ADAMTSL3: variants seen among roughly 807,000 people sequenced by gnomAD.
ADAMTSL3 encodes the protein ADAMTS like 3.
A neutral mutation model predicts 201.7 loss-of-function variants in ADAMTSL3; 128 were observed. That is an observed-to-expected ratio of 0.63 (90% CI 0.55 to 0.73). ADAMTSL3 has a LOEUF of 0.73. ADAMTSL3 is among the 30% of genes least tolerant of loss of function. The pLI, the probability that ADAMTSL3 is intolerant of heterozygous loss-of-function variation, is 0.00. For missense variants in ADAMTSL3, 1,990 were observed against 2,119.6 expected (o/e 0.94, Z 1.20); for synonymous variants, 738 against 748.4 (o/e 0.99, Z 0.23).
chr15:83,903,920 A>AGGAAGGAAGGAAGGAAGGGAGGGAGGG lies in ADAMTSL3; in HGVS notation c.1700+4189_1700+4190insGGAAGGAAGGAAGGAAGGGAGGGAGGG, dbSNP rs1329970127. ...GTGACAGTGCCAGACTCCACATCAA[A>AGGAAGGAAGGAAGGAAGGGAGGGAGGG]AAAAAAAAAAAAAAAAAAAAAAAAG... On this transcript the variant is annotated intron_variant, in intron 15 of 29. Transcript: ENST00000286744. Among the ~76,000 whole-genome samples, 28 of 58,802 alleles carry AGGAAGGAAGGAAGGAAGGGAGGGAGGG rather than the reference A, an allele frequency of 4.8e-4. 1 individual carries two copies. Among genetic ancestry groups the AGGAAGGAAGGAAGGAAGGGAGGGAGGG allele is most frequent in the East Asian group, 2.5e-3 (5 of 2,040 alleles). 38.6% of individuals were successfully genotyped at this position (58,802 alleles called of 152,430 possible).
At chr15:83,915,314 CA>C (rs2066015140) in intron 16 of ADAMTSL3, among the ~76,000 whole-genome samples, 1 of 152,068 alleles carries the variant, frequency 6.6e-6, no homozygotes, top group African/African-American at 2.4e-5. Flanking sequence ...CTCAGCAGAC[CA>C]ATCAGAGTTG....
chr15:84,005,837 G>T (rs185379335), intron 23 of ADAMTSL3, among the ~76,000 whole-genome samples: 2 of 152,146 alleles, frequency 1.3e-5, no homozygotes, highest in Non-Finnish European at 2.9e-5. Context: ...ATTGATTGGG[G>T]AACAGATTAT....
intron 3 of ADAMTSL3, among the ~76,000 whole-genome samples, chr15:83,712,204 C>T (rs2061942992): frequency 6.6e-6 from 1 of 152,230 alleles, no homozygotes; most frequent in Non-Finnish European, 1.5e-5. Context: ...CTCCTCTCTT[C>T]AGTGGCCTTT....
intron 2 of ADAMTSL3, among the ~76,000 whole-genome samples, chr15:83,687,890 T>TA (rs1186602364): frequency 1.7e-5 from 1 of 60,152 alleles, no homozygotes; most frequent in Non-Finnish European, 3.3e-5. Flanking sequence ...CCAACACCAG[T>TA]TTTTTAAACT....
chr15:83,753,676 G>A (rs1178555732), intron 3 of ADAMTSL3, among the ~76,000 whole-genome samples: 1 of 150,240 alleles, frequency 6.7e-6, no homozygotes, highest in Non-Finnish European at 1.5e-5. Context: ...TTTTTTTCTT[G>A]GAAAGAGAAG....
intron 3 of ADAMTSL3, among the ~76,000 whole-genome samples, chr15:83,722,423 G>T (rs930052061): frequency 6.6e-6 from 1 of 152,180 alleles, no homozygotes; most frequent in Non-Finnish European, 1.5e-5. Flanking sequence ...TGTGTCAGTT[G>T]TAAGATGTAT....
At chr15:83,899,611 T>G (rs2141915047) in intron 14 of ADAMTSL3, 36 bp from the exon 15 acceptor site, 1 of 1,591,056 alleles carries the variant, frequency 6.3e-7, no homozygotes, top group East Asian at 2.3e-5. Context: ...TGATTAATAG[T>G]AATTAGGCTC....
chr15:83,736,423 C>T (rs1454268147), intron 3 of ADAMTSL3, among the ~76,000 whole-genome samples: 3 of 152,104 alleles, frequency 2.0e-5, no homozygotes, highest in Admixed American at 1.3e-4. Flanking sequence ...GTATAAAGAA[C>T]AATATCTCTG....
At chr15:83,915,605 C>T (rs988749218) in intron 16 of ADAMTSL3, among the ~76,000 whole-genome samples, 1 of 152,052 alleles carries the variant, frequency 6.6e-6, no homozygotes, top group Non-Finnish European at 1.5e-5. Flanking sequence ...AGTTGTGCAG[C>T]CGTTAACATA....
intron 3 of ADAMTSL3, among the ~76,000 whole-genome samples, chr15:83,761,897 C>G (rs1331537108): frequency 6.6e-6 from 1 of 152,088 alleles, no homozygotes; most frequent in Non-Finnish European, 1.5e-5. Flanking sequence ...ACACTGATTG[C>G]ATTAATAGGG....
intron 3 of ADAMTSL3, among the ~76,000 whole-genome samples, chr15:83,726,454 G>A (rs1056252089): frequency 6.6e-6 from 1 of 152,138 alleles, no homozygotes; most frequent in Non-Finnish European, 1.5e-5. Context: ...GTGAAACTGA[G>A]CATCCTTGTC....
At chr15:83,975,661 A>G (rs2067274379) in intron 20 of ADAMTSL3, among the ~76,000 whole-genome samples, 1 of 152,222 alleles carries the variant, frequency 6.6e-6, no homozygotes, top group South Asian at 2.1e-4. Context: ...AGACTTCTGA[A>G]TGACATGTCT....
Position 83,674,766 on chromosome 15 carries a change from CAT to C in ADAMTSL3, c.69+18958_69+18959del, listed in dbSNP as rs377132060. 1.2e-3 allele frequency among the ~76,000 whole-genome samples: 81 copies of C among 68,930 alleles called. 6 individuals are homozygous for C. The highest frequency in any genetic ancestry group is 1.8e-3 in the African/African-American group (33 of 18,658). The allele number at this position is 68,930 out of a possible 152,430, so 45.2% of individuals were successfully genotyped here. A position where few individuals can be genotyped will look rare whatever the true frequency, so the allele number is the denominator to read the frequency against. ...ATATACATATATACACACATATATA[CAT>C]ATATATATATATATATATATAAATC... On this transcript the variant is annotated intron_variant, in intron 2 of 29. Coordinates refer to ENST00000286744, the MANE Select transcript of ADAMTSL3 (RefSeq NM_207517.3).
intron 9 of ADAMTSL3, among the ~76,000 whole-genome samples, chr15:83,874,889 G>A (rs1202744641): frequency 2.1e-5 from 3 of 145,676 alleles, no homozygotes; most frequent in African/African-American, 2.6e-5. Flanking sequence ...TGAACAAGAC[G>A]ATGTGATCTC....
intron 4 of ADAMTSL3, among the ~76,000 whole-genome samples, chr15:83,801,655 T>TATATATATAAATATAA (rs2063520182): frequency 2.7e-5 from 1 of 37,108 alleles, no homozygotes; most frequent in East Asian, 1.1e-3. Context: ...AATATAAATA[T>TATATATATAAATATAA]ATATATATAT....
At chr15:83,815,374 A>T (rs1299074532) in intron 5 of ADAMTSL3, among the ~76,000 whole-genome samples, 1 of 152,254 alleles carries the variant, frequency 6.6e-6, no homozygotes, top group Non-Finnish European at 1.5e-5. Context: ...CCAATAAGAT[A>T]ACAAGCTCAT....
chr15:83,991,265 G>T (rs374846167), intron 23 of ADAMTSL3, 51 bp downstream of exon 23: 82 of 1,610,642 alleles, frequency 5.1e-5, no homozygotes, highest in Middle Eastern at 1.6e-4. Flanking sequence ...GGTAAGTGTG[G>T]CCATCCCAGT....
intron 3 of ADAMTSL3, among the ~76,000 whole-genome samples, chr15:83,718,738 C>G (rs2141566122): frequency 6.7e-6 from 1 of 149,814 alleles, no homozygotes; most frequent in East Asian, 1.9e-4. Context: ...TCAATAAAAG[C>G]AAAAATTGCA....
intron 3 of ADAMTSL3, among the ~76,000 whole-genome samples, chr15:83,757,110 C>G (rs1254452970): frequency 6.6e-6 from 1 of 152,194 alleles, no homozygotes; most frequent in Non-Finnish European, 1.5e-5. Flanking sequence ...ATTCTGGGGT[C>G]TGGAAGAAGG....
Sources: allele counts gnomAD v4.1 joint callset (sites outside exome capture counted in the v4.1 genomes callset), GRCh38; gene constraint gnomAD v4.1.1; transcripts MANE v1.5; gene names NCBI Gene and HGNC (gene_info 2026-07-23, HGNC 2026-07-21).